NR3C2: variants seen among roughly 807,000 people sequenced by gnomAD.
NR3C2 encodes mineralocorticoid receptor.
NR3C2 carries 15 observed loss-of-function variants against 86.4 expected under a neutral mutation model. That is an observed-to-expected ratio of 0.17 (90% confidence interval 0.12 to 0.27). NR3C2 has a LOEUF of 0.27. NR3C2 is among the 10% of genes least tolerant of loss of function. The probability of loss-of-function intolerance (pLI) is 1.00; values close to 1 mark genes in which losing one functional copy is unlikely to be tolerated. For synonymous variants in NR3C2, 458 were observed against 450.5 expected (o/e 1.02, Z -0.21); for missense variants, 960 against 1,195.6 (o/e 0.80, Z 2.91).
rs1560967247 is a variant in NR3C2 at position 148,186,992 on chromosome 4, GTATGTATATATATATATATATATA to G, written c.2014+7730_2014+7753del. On this transcript the variant is annotated intron_variant, in intron 4 of 8. Transcript: ENST00000358102. ...TATTCCATCATACTGATGTGTGTATGTATGTATATATATATATATATATATATATATATATATATATATATATAT... is the reference window on the plus strand; with the variant it reads ...TATTCCATCATACTGATGTGTGTATGTATATATATATATATATATATATAT... Among the ~76,000 whole-genome samples the G allele has an allele frequency of 5.8e-4, 6 of 10,366 alleles. 1 individual carries two copies. In the African/African-American group the frequency reaches 7.6e-3, roughly 13 times the overall value. The allele number at this position is 10,366 out of a possible 152,430, so 6.8% of individuals were successfully genotyped here. A position where few individuals can be genotyped will look rare whatever the true frequency, so the allele number is the denominator to read the frequency against.
chr4:148,147,302 G>C (rs72653812), intron 6 of NR3C2, among the ~76,000 whole-genome samples: 5 of 152,158 alleles, frequency 3.3e-5, no homozygotes, highest in African/African-American at 1.2e-4. Context: ...CAAACCCAAA[G>C]TTTTGTTCCT....
intron 2 of NR3C2, among the ~76,000 whole-genome samples, chr4:148,316,807 T>C (rs1460169693): frequency 2.0e-5 from 3 of 152,148 alleles, no homozygotes; most frequent in African/African-American, 4.8e-5. Context: ...TTGTTGTTTT[T>C]TGTTTGTTTT....
intron 2 of NR3C2, among the ~76,000 whole-genome samples, chr4:148,365,200 AG>A (rs1746049400): frequency 6.6e-6 from 1 of 152,178 alleles, no homozygotes; most frequent in Non-Finnish European, 1.5e-5. Context: ...TCACAGTTGA[AG>A]GGGGCTAGGA....
rs965380899 is a variant in NR3C2 at position 148,420,172 on chromosome 4, C to T, written c.1757+14932G>A. Reference sequence around the variant, plus strand: ...AGGTTATTCCTTTTAACCTGAACAACGAATGAAAATAAAAGCCCAGAGTGA... The same window carrying T: ...AGGTTATTCCTTTTAACCTGAACAATGAATGAAAATAAAAGCCCAGAGTGA... On this transcript the variant is annotated intron_variant, in intron 2 of 8. Coordinates refer to ENST00000358102, the MANE Select transcript of NR3C2 (RefSeq NM_000901.5). Among the ~76,000 whole-genome samples the T allele has an allele frequency of 7.2e-5, 11 of 152,118 alleles. 1 individual carries two copies. The highest frequency in any genetic ancestry group is 6.2e-4 in the South Asian group (3 of 4,812).
chr4:148,311,684 G>T (rs1742906462), intron 2 of NR3C2, among the ~76,000 whole-genome samples: 1 of 152,128 alleles, frequency 6.6e-6, no homozygotes, highest in African/African-American at 2.4e-5. Flanking sequence ...GTTTCCAACT[G>T]CCCCAGTGAC....
chr4:148,386,947 C>A (rs1747292544), intron 2 of NR3C2, among the ~76,000 whole-genome samples: 2 of 152,178 alleles, frequency 1.3e-5, no homozygotes, highest in South Asian at 4.1e-4. Context: ...TCAGCCTGTG[C>A]CTGTCTAGTC....
At chr4:148,241,339 AAAATAAAATCTAATCTCCCTATAATT>A in intron 3 of NR3C2, among the ~76,000 whole-genome samples, 1 of 148,728 alleles carries the variant, frequency 6.7e-6, no homozygotes, top group African/African-American at 2.5e-5. Flanking sequence ...AAAAAGGGGA[AAAATAAAATCTAATCTCCCTATAATT>A]GGCTTTGAGG....
At chr4:148,174,015 T>C (rs937089246) in intron 4 of NR3C2, among the ~76,000 whole-genome samples, 2 of 152,192 alleles carry the variant, frequency 1.3e-5, no homozygotes, top group African/African-American at 4.8e-5. Context: ...GAAAACAAAC[T>C]AGCATTGTGT....
chr4:148,142,870 G>A (rs759367905), intron 6 of NR3C2, among the ~76,000 whole-genome samples: 1 of 152,116 alleles, frequency 6.6e-6, no homozygotes, highest in Non-Finnish European at 1.5e-5. Context: ...CGCTGACAGT[G>A]CTCATTTAAA....
At chr4:148,232,226 ACT>A (rs2149838512) in intron 3 of NR3C2, among the ~76,000 whole-genome samples, 1 of 152,358 alleles carries the variant, frequency 6.6e-6, no homozygotes, top group South Asian at 2.1e-4. Flanking sequence ...CAGAGGAATC[ACT>A]ATGCACGGCA....
intron 2 of NR3C2, among the ~76,000 whole-genome samples, chr4:148,390,682 G>A (rs555104159): frequency 2.0e-5 from 3 of 152,180 alleles, no homozygotes; most frequent in Admixed American, 6.5e-5. Flanking sequence ...GGCATAAGAC[G>A]GTTGATTTGT....
intron 8 of NR3C2, among the ~76,000 whole-genome samples, chr4:148,090,797 G>A (rs1340855251): frequency 6.6e-6 from 1 of 152,228 alleles, no homozygotes; most frequent in Non-Finnish European, 1.5e-5. Context: ...ACCCACCTCT[G>A]TTCCGTGTTC....
At chr4:148,135,286 A>G (rs143152466) in intron 6 of NR3C2, among the ~76,000 whole-genome samples, 58 of 152,274 alleles carry the variant, frequency 3.8e-4, no homozygotes, top group African/African-American at 1.4e-3. Flanking sequence ...GGAGGAGATC[A>G]AGTAGTAAGA....
At chr4:148,170,789 C>A (rs1176052188) in intron 4 of NR3C2, among the ~76,000 whole-genome samples, 1 of 152,302 alleles carries the variant, frequency 6.6e-6, no homozygotes, top group Non-Finnish European at 1.5e-5. Context: ...AGTAGTAGGG[C>A]CACACTTTTA....
chr4:148,166,631 G>A (rs1734891131), intron 4 of NR3C2, among the ~76,000 whole-genome samples: 1 of 152,100 alleles, frequency 6.6e-6, no homozygotes. Context: ...AAGGAAAAGG[G>A]TCCAAGAGAG....
At chr4:148,282,586 G>C (rs1279274336) in intron 2 of NR3C2, among the ~76,000 whole-genome samples, 1 of 152,174 alleles carries the variant, frequency 6.6e-6, no homozygotes, top group Non-Finnish European at 1.5e-5. Context: ...AGAGAGGATA[G>C]TGACAAAGTC....
chr4:148,301,083 G>C (rs1356346265), intron 2 of NR3C2, among the ~76,000 whole-genome samples: 6 of 152,086 alleles, frequency 3.9e-5, no homozygotes, highest in African/African-American at 1.4e-4. Context: ...GAAACTACAT[G>C]CTTTCCTACC....
At chr4:148,308,479 A>T (rs952723610) in intron 2 of NR3C2, among the ~76,000 whole-genome samples, 5 of 152,146 alleles carry the variant, frequency 3.3e-5, no homozygotes, top group Non-Finnish European at 7.3e-5. Flanking sequence ...ATGACAAGGG[A>T]ACAGAAAGTT....
chr4:148,095,063 G>A (rs1329322388), intron 8 of NR3C2, among the ~76,000 whole-genome samples: 1 of 152,162 alleles, frequency 6.6e-6, no homozygotes, highest in Non-Finnish European at 1.5e-5. Context: ...GTGTTTAAGG[G>A]GCATAATTTC....
Sources: gnomAD v4.1 joint callset for allele counts (sites outside exome capture counted in the v4.1 genomes callset) on GRCh38, gnomAD v4.1.1 for gene constraint, MANE v1.5 for transcripts, NCBI Gene and HGNC (gene_info 2026-07-23, HGNC 2026-07-21) for gene names.